Variants in MAP3K4 observed in about 807,000 individuals in gnomAD.
MAP3K4 encodes mitogen-activated protein kinase kinase kinase 4.
MAP3K4 carries 67 observed loss-of-function variants against 185.6 expected under a neutral mutation model. The ratio of observed to expected loss-of-function variants is 0.36; its 90% CI spans 0.30 to 0.44. The LOEUF (loss-of-function observed/expected upper bound fraction) is 0.44. Among genes scored for constraint, MAP3K4 ranks in the 20% least tolerant of loss-of-function variants. The pLI is 1.00. For missense variants in MAP3K4, 1,551 were observed against 1,995.1 expected (o/e 0.78, Z 4.24); for synonymous variants, 702 against 710.4 (o/e 0.99, Z 0.19).
chr6:161,051,650 C>T lies in MAP3K4; in HGVS notation c.1707+1671C>T, dbSNP rs1784006018. Among the ~76,000 whole-genome samples, 1 of 152,160 alleles carries T rather than the reference C, an allele frequency of 6.6e-6. No homozygotes were observed. Among genetic ancestry groups the T allele is most frequent in the South Asian group, 2.1e-4 (1 of 4,826 alleles). On this transcript the variant is annotated intron_variant, in intron 3 of 26. Coordinates refer to ENST00000392142, the MANE Select transcript of MAP3K4 (RefSeq NM_005922.4). This position sits in a 1 kb window ranked among gnomAD's most constrained non-coding sequence, Gnocchi z 4.2. ...GTACCAACATCCCTTGGTATCTCATCCCAGGGGGATTTGTTCCAGGACCCC... is the reference window on the plus strand; with the variant it reads ...GTACCAACATCCCTTGGTATCTCATTCCAGGGGGATTTGTTCCAGGACCCC...
chr6:161,050,715 T>G (rs769724195), intron 3 of MAP3K4, among the ~76,000 whole-genome samples: 4 of 152,186 alleles, frequency 2.6e-5, no homozygotes, highest in Non-Finnish European at 5.9e-5. Context: ...CAAGGGCATT[T>G]TGTGGGATAT....
chr6:161,032,881 CAT>C (rs146862401), intron 1 of MAP3K4, among the ~76,000 whole-genome samples: 7,021 of 152,256 alleles, frequency 0.046, 528 homozygotes, highest in African/African-American at 0.16. Context: ...TGTGTGTACA[CAT>C]ATGTTTAGGA....
Position 161,101,365 on chromosome 6 carries a change from A to T in MAP3K4, c.3675-527A>T, listed in dbSNP as rs1396084616. 1.3e-5 allele frequency: 2 copies of T among 152,166 alleles called. No homozygotes were observed. Among genetic ancestry groups the T allele is most frequent in the Non-Finnish European group, 2.9e-5 (2 of 68,044 alleles). The allele number at this position is 152,166 out of a possible 1,614,324, so 9.4% of individuals were successfully genotyped here. A position where few individuals can be genotyped will look rare whatever the true frequency, so the allele number is the denominator to read the frequency against. On this transcript the variant is annotated intron_variant, in intron 17 of 26. Coordinates refer to ENST00000392142, the MANE Select transcript of MAP3K4 (RefSeq NM_005922.4). The surrounding 1 kb of genome is among the most constrained non-coding windows in gnomAD (Gnocchi z 5.1). ...TTGGAATCTTTTGGACCATGAAATG[A>T]TTTTAGTACTTTAAATGTAATTAAG... is the stretch of plus-strand genomic sequence containing the variant.
rs976419456 is a variant in MAP3K4, at chr6:161,114,995, C to A, written c.4627-128C>A. The stretch of plus-strand genomic sequence containing the variant: ...CTGTCAACCTAAAATATTGTTTGGC[C>A]CTTTCAGTAAAAATTTGCTGTCCCC... On this transcript the variant is annotated intron_variant, in intron 25 of 26. Transcript: ENST00000392142. The surrounding 1 kb of genome is among the most constrained non-coding windows in gnomAD (Gnocchi z 4.3). 4.2e-6 allele frequency: 3 copies of A among 714,280 alleles called. No individual in the cohort carries two copies. Among genetic ancestry groups the A allele is most frequent in the Non-Finnish European group, 4.6e-6 (2 of 433,706 alleles). The allele number at this position is 714,280 out of a possible 1,614,324, so 44.2% of individuals were successfully genotyped here.
At chr6:161,018,835 A>G (rs557628100) in intron 1 of MAP3K4, among the ~76,000 whole-genome samples, 1 of 152,360 alleles carries the variant, frequency 6.6e-6, no homozygotes, top group East Asian at 1.9e-4. Flanking sequence ...AAACATGAAT[A>G]TTAGAGAAAA....
chr6:161,055,703 G>T (rs1397723970), intron 3 of MAP3K4, among the ~76,000 whole-genome samples: 1 of 152,186 alleles, frequency 6.6e-6, no homozygotes, highest in Non-Finnish European at 1.5e-5. Context: ...TTAGACTGGG[G>T]TGATGGGGCT....
Position 161,112,553 on chromosome 6 carries a change from C to G in MAP3K4, c.4520-115C>G. 4.6e-6 allele frequency: 3 copies of G among 645,764 alleles called. No homozygotes were observed. The highest frequency in any genetic ancestry group is 7.1e-6 in the Non-Finnish European group (3 of 422,080). The allele number at this position is 645,764 out of a possible 1,614,324, so 40.0% of individuals were successfully genotyped here. On this transcript the variant is annotated intron_variant, in intron 24 of 26. Coordinates refer to ENST00000392142, the MANE Select transcript of MAP3K4 (RefSeq NM_005922.4). The surrounding 1 kb of genome is among the most constrained non-coding windows in gnomAD (Gnocchi z 5.1). ...CTGTCTGTAAATTTTTGATATTTCC[C>G]ATTACCTAATGCAGGAAGATAATAT...
Position 161,070,766 on chromosome 6 carries a change from C to A in MAP3K4, c.1866C>A (p.Val622=). The A allele has an allele frequency of 6.2e-7, 1 of 1,614,082 alleles. No individual in the cohort carries two copies. Among genetic ancestry groups the A allele is most frequent in the South Asian group, 1.1e-5 (1 of 91,062 alleles). The change falls in exon 4 of 27, where the codon GTC becomes GTA. Residue 622 remains valine, a synonymous_variant. Transcript: ENST00000392142. This position sits in a 1 kb window ranked among gnomAD's most constrained non-coding sequence, Gnocchi z 4.5. Reference sequence around the variant, plus strand: ...CTGCCTTCCTAGTTCTCTGCCGAGTCCTTCTGAATGTCATACATGAGTGTC... The same window carrying A: ...CTGCCTTCCTAGTTCTCTGCCGAGTACTTCTGAATGTCATACATGAGTGTC... The part of the protein sequence containing the change: ...FEPAFLVLCR[V]LLNVIHECLK...
chr6:161,029,362 AAT>A (rs1456923489), intron 1 of MAP3K4, among the ~76,000 whole-genome samples: 1 of 152,152 alleles, frequency 6.6e-6, no homozygotes, highest in African/African-American at 2.4e-5. Flanking sequence ...TGGTTTACCT[AAT>A]ATGTCAGAGC....
Position 161,106,775 on chromosome 6 carries a change from G to GA in MAP3K4, c.4048+70_4048+71insA. The GA allele has an allele frequency of 2.3e-6, 3 of 1,332,408 alleles. No individual in the cohort carries two copies. Among genetic ancestry groups the GA allele is most frequent in the Non-Finnish European group, 3.1e-6 (3 of 968,776 alleles). The allele number at this position is 1,332,408 out of a possible 1,614,324, so 82.5% of individuals were successfully genotyped here. On this transcript the variant is annotated intron_variant, in intron 20 of 26. Coordinates refer to ENST00000392142, the MANE Select transcript of MAP3K4 (RefSeq NM_005922.4). This position sits in a 1 kb window ranked among gnomAD's most constrained non-coding sequence, Gnocchi z 4.9. ...AGTAGCAATAGTTATACTTCTTTAGGTTGAATCCTATAGAGTTGGCCCTTT... is the reference window on the plus strand; with the variant it reads ...AGTAGCAATAGTTATACTTCTTTAGGATTGAATCCTATAGAGTTGGCCCTTT...
chr6:161,002,656 G>C (rs1479910926), intron 1 of MAP3K4, among the ~76,000 whole-genome samples: 4 of 136,606 alleles, frequency 2.9e-5, no homozygotes, highest in Non-Finnish European at 6.1e-5. Context: ...CAGTGGTGCA[G>C]TCTTGGGTCA....
chr6:161,067,292 C>T lies in MAP3K4; in HGVS notation c.1708-3316C>T. 1 of 432,628 alleles carries T rather than the reference C, an allele frequency of 2.3e-6. No individual in the cohort carries two copies. Among genetic ancestry groups the T allele is most frequent in the Non-Finnish European group, 4.6e-6 (1 of 215,550 alleles). 26.8% of individuals were successfully genotyped at this position (432,628 alleles called of 1,614,324 possible). A position where few individuals can be genotyped will look rare whatever the true frequency, so the allele number is the denominator to read the frequency against. On this transcript the variant is annotated intron_variant, in intron 3 of 26. Transcript: ENST00000392142. This position sits in a 1 kb window ranked among gnomAD's most constrained non-coding sequence, Gnocchi z 6.3. ...CGAAGCAGGGATGGGGCTTGCAGGTCACAGGTAGGTAAGAGACAAAACGTT... is the reference window on the plus strand; with the variant it reads ...CGAAGCAGGGATGGGGCTTGCAGGTTACAGGTAGGTAAGAGACAAAACGTT...
At chr6:161,036,774 G>A (rs1360821376) in intron 2 of MAP3K4, among the ~76,000 whole-genome samples, 1 of 152,082 alleles carries the variant, frequency 6.6e-6, no homozygotes, top group Non-Finnish European at 1.5e-5. Flanking sequence ...CAAATTTTGA[G>A]TATCCCTAAT....
chr6:161,057,741 A>T (rs569434217), intron 3 of MAP3K4, among the ~76,000 whole-genome samples: 4 of 152,326 alleles, frequency 2.6e-5, no homozygotes, highest in African/African-American at 7.2e-5. Context: ...GAGTTAACTT[A>T]TTACTTGTTT....
chr6:161,089,545 G>A (rs1433662873), intron 11 of MAP3K4, 74 bp downstream of exon 11: 1 of 1,508,730 alleles, frequency 6.6e-7, no homozygotes, highest in Non-Finnish European at 8.9e-7. Context: ...ATGTGTGTAA[G>A]GTAATATCAT....
Position 161,098,501 on chromosome 6 carries a change from G to T in MAP3K4, c.3674+74G>T. The T allele has an allele frequency of 3.3e-6, 5 of 1,499,814 alleles. No homozygotes were observed. Among genetic ancestry groups the T allele is most frequent in the Non-Finnish European group, 4.5e-6 (5 of 1,117,814 alleles). 92.9% of individuals were successfully genotyped at this position (1,499,814 alleles called of 1,614,324 possible). A position where few individuals can be genotyped will look rare whatever the true frequency, so the allele number is the denominator to read the frequency against. ...GCTTACACAGCAACCATAGTGTTAG[G>T]GTGTGTGCCGGCTGTGGTTGGGCTT... is the stretch of plus-strand genomic sequence containing the variant. On this transcript the variant is annotated intron_variant, in intron 17 of 26. Coordinates refer to ENST00000392142, the MANE Select transcript of MAP3K4 (RefSeq NM_005922.4). This position sits in a 1 kb window ranked among gnomAD's most constrained non-coding sequence, Gnocchi z 4.4.
rs192840624 is a variant in MAP3K4 at position 161,051,628 on chromosome 6, C to A, written c.1707+1649C>A. 4.6e-5 allele frequency among the ~76,000 whole-genome samples: 7 copies of A among 152,254 alleles called. No individual in the cohort carries two copies. ...AGTGAAGAAAAAAGTCCTGGCAGTA[C>A]CAACATCCCTTGGTATCTCATCCCA... On this transcript the variant is annotated intron_variant, in intron 3 of 26. Transcript: ENST00000392142. The surrounding 1 kb of genome is among the most constrained non-coding windows in gnomAD (Gnocchi z 4.2).
intron 1 of MAP3K4, among the ~76,000 whole-genome samples, chr6:160,997,083 T>C (rs1050906685): frequency 2.0e-5 from 3 of 152,248 alleles, no homozygotes; most frequent in Non-Finnish European, 4.4e-5. Context: ...CTTCAGTCTT[T>C]ATAACAAACC....
Position 161,048,599 on chromosome 6 carries a change from A to ATT in MAP3K4, c.344-7_344-6dup. On this transcript the variant is annotated splice_polypyrimidine_tract_variant and intron_variant, in intron 2 of 26. Transcript: ENST00000392142. This position sits in a 1 kb window ranked among gnomAD's most constrained non-coding sequence, Gnocchi z 4.7. ...TTTAGAGTTATATAATGTTCTGTTT[A>ATT]TTTTTTTTTTTAATAGAAAAAATGA... 23 of 1,182,890 alleles carry ATT rather than the reference A, an allele frequency of 1.9e-5. No individual in the cohort carries two copies. Among genetic ancestry groups the ATT allele is most frequent in the Admixed American group, 2.6e-5 (1 of 38,796 alleles). The allele number at this position is 1,182,890 out of a possible 1,614,324, so 73.3% of individuals were successfully genotyped here.
Sources: gnomAD v4.1 joint callset for allele counts (sites outside exome capture counted in the v4.1 genomes callset) on GRCh38, gnomAD v4.1.1 for gene constraint, Gnocchi (gnomAD v3.1) non-coding constraint, MANE v1.5 for transcripts, NCBI Gene and HGNC (gene_info 2026-07-23, HGNC 2026-07-21) for gene names.